The following UST variants were observed in gnomAD, a reference collection of about 807,000 sequenced individuals.
The protein encoded by UST is chondroitin sulfate 2-O-sulfotransferase.
In UST, 21 loss-of-function variants were observed where a neutral mutation model predicts 45.6. The observed-to-expected ratio is 0.46, with a 90% confidence interval of 0.33 to 0.66. UST has a LOEUF of 0.66. UST is among the 30% of genes least tolerant of loss of function. The pLI is 0.02. For missense variants in UST, 463 were observed against 512.4 expected, an observed-to-expected ratio of 0.90 and a Z score of 0.93; for synonymous variants, 215 against 200.6, an observed-to-expected ratio of 1.07 and a Z score of -0.61.
At chr6:148,754,333 AG>A (rs1281117274) in intron 1 of UST, among the ~76,000 whole-genome samples, 5 of 152,172 alleles carry the variant, frequency 3.3e-5, no homozygotes, top group Non-Finnish European at 7.3e-5. Flanking sequence ...CATAGGTTTT[AG>A]GGGAACAGGT....
At chr6:148,853,489 G>T (rs939983597) in intron 1 of UST, among the ~76,000 whole-genome samples, 1 of 152,130 alleles carries the variant, frequency 6.6e-6, no homozygotes, top group Non-Finnish European at 1.5e-5. Flanking sequence ...TAAAGGGATC[G>T]CTGGGTCAAA....
At chr6:148,822,988 G>T (rs573653997) in intron 1 of UST, among the ~76,000 whole-genome samples, 94 of 152,328 alleles carry the variant, frequency 6.2e-4, no homozygotes, top group Non-Finnish European at 1.2e-3. Flanking sequence ...TGACTTGGGT[G>T]TGTTTGTATT....
intron 1 of UST, among the ~76,000 whole-genome samples, chr6:148,845,322 A>G (rs866083763): frequency 3.3e-5 from 5 of 152,322 alleles, no homozygotes; most frequent in Admixed American, 6.5e-5. Context: ...TGAACTTCAT[A>G]GAAATTGAAC....
chr6:148,842,518 C>T (rs947166340), intron 1 of UST, among the ~76,000 whole-genome samples: 1 of 152,194 alleles, frequency 6.6e-6, no homozygotes, highest in Non-Finnish European at 1.5e-5. Flanking sequence ...AGGCCGCCGG[C>T]TGACTTTGTT....
At chr6:148,782,874 T>C (rs888735851) in intron 1 of UST, among the ~76,000 whole-genome samples, 1 of 152,236 alleles carries the variant, frequency 6.6e-6, no homozygotes, top group Admixed American at 6.5e-5. Flanking sequence ...ATAAACTTAG[T>C]GGATAAAGCA....
chr6:148,838,250 C>T (rs1022035828), intron 1 of UST, among the ~76,000 whole-genome samples: 1 of 152,006 alleles, frequency 6.6e-6, no homozygotes, highest in African/African-American at 2.4e-5. Context: ...GTTCTAAGGC[C>T]CCAGGTTGGA....
chr6:148,759,718 G>A (rs1776171870), intron 1 of UST, among the ~76,000 whole-genome samples: 1 of 150,708 alleles, frequency 6.6e-6, no homozygotes, highest in Admixed American at 6.6e-5. Context: ...CATGGTGGTG[G>A]GCGCTTGTAG....
At chr6:148,980,300 A>G (rs1311839153) in intron 5 of UST, among the ~76,000 whole-genome samples, 2 of 152,096 alleles carry the variant, frequency 1.3e-5, no homozygotes, top group Non-Finnish European at 2.9e-5. Flanking sequence ...TTTTTCTTAG[A>G]ATGTCTCTCA....
intron 3 of UST, among the ~76,000 whole-genome samples, chr6:148,949,389 G>T (rs1201870711): frequency 7.3e-6 from 1 of 137,768 alleles, no homozygotes; most frequent in Non-Finnish European, 1.5e-5. Context: ...CAGAGACTTT[G>T]TCTCAAAATA....
intron 1 of UST, among the ~76,000 whole-genome samples, chr6:148,856,475 C>T (rs1007777110): frequency 1.6e-4 from 24 of 152,190 alleles, no homozygotes; most frequent in Non-Finnish European, 3.1e-4. Context: ...TCCTATTCAT[C>T]GGAGACAGCC....
At chr6:148,786,551 C>T (rs11155592) in intron 1 of UST, among the ~76,000 whole-genome samples, 114,055 of 152,092 alleles carry the variant, frequency 0.75, 42,813 homozygotes, top group Middle Eastern at 0.88. Flanking sequence ...ATTCATGTCC[C>T]TGCAAAGGAC....
Position 149,074,649 on chromosome 6 carries a change from C to T in UST, c.*533C>T, listed in dbSNP as rs1046883844. 4 of 157,452 alleles carry T rather than the reference C, an allele frequency of 2.5e-5. No individual in the cohort carries two copies. The highest frequency in any genetic ancestry group is 5.6e-5 in the Non-Finnish European group (4 of 71,586). The allele number at this position is 157,452 out of a possible 1,614,324, so 9.8% of individuals were successfully genotyped here. Reference sequence around the variant, plus strand: ...TAATCCGAGGCTGAGGTGGGAGGATCACTTGAGCCCAGGAGTTTGAGGTTG... The same window carrying T: ...TAATCCGAGGCTGAGGTGGGAGGATTACTTGAGCCCAGGAGTTTGAGGTTG... On this transcript the variant is annotated 3_prime_UTR_variant, in exon 8 of 8. Transcript: ENST00000367463.
chr6:148,754,444 T>C (rs1776057545), intron 1 of UST, among the ~76,000 whole-genome samples: 1 of 152,204 alleles, frequency 6.6e-6, no homozygotes, highest in Non-Finnish European at 1.5e-5. Flanking sequence ...TCTGGTCTTT[T>C]GTCCCTCACC....
At chr6:148,768,750 A>G (rs1776365453) in intron 1 of UST, among the ~76,000 whole-genome samples, 1 of 152,222 alleles carries the variant, frequency 6.6e-6, no homozygotes. Context: ...TTGAGTTGAA[A>G]GCTTTTTAGA....
At chr6:148,852,954 C>CTTCTT (rs372704818) in intron 1 of UST, among the ~76,000 whole-genome samples, 1,592 of 152,242 alleles carry the variant, frequency 0.01, 20 homozygotes, top group Admixed American at 0.021. Context: ...GGACACTTGT[C>CTTCTT]TTCTTTTCTT....
intron 1 of UST, among the ~76,000 whole-genome samples, chr6:148,820,891 C>T (rs528166197): frequency 2.7e-5 from 4 of 147,460 alleles, no homozygotes; most frequent in South Asian, 4.3e-4. Flanking sequence ...TCAATAATGT[C>T]TTGTATAGAT....
chr6:149,040,680 T>C (rs1442963380), intron 7 of UST, among the ~76,000 whole-genome samples: 3 of 152,136 alleles, frequency 2.0e-5, no homozygotes, highest in Non-Finnish European at 4.4e-5. Flanking sequence ...TTAATTAAAA[T>C]AAAATTGTAT....
intron 1 of UST, among the ~76,000 whole-genome samples, chr6:148,873,862 C>A (rs182777977): frequency 8.8e-4 from 134 of 152,348 alleles, no homozygotes; most frequent in African/African-American, 3.1e-3. Context: ...TCAGCCTTGT[C>A]TTGTTTTCTT....
intron 1 of UST, among the ~76,000 whole-genome samples, chr6:148,849,987 C>T (rs960894270): frequency 1.3e-5 from 2 of 152,124 alleles, no homozygotes; most frequent in Non-Finnish European, 2.9e-5. Flanking sequence ...GTGCCAGATA[C>T]TGTTCTATGT....
Sources: gnomAD v4.1 joint callset for allele counts (sites outside exome capture counted in the v4.1 genomes callset) on GRCh38, gnomAD v4.1.1 for gene constraint, MANE v1.5 for transcripts, NCBI Gene and HGNC (gene_info 2026-07-23, HGNC 2026-07-21) for gene names.